Variants in RBFOX1 observed in about 807,000 individuals in gnomAD.
The protein encoded by RBFOX1 is RNA binding protein fox-1 homolog 1.
Under a neutral mutation model 57.7 loss-of-function variants are expected in RBFOX1, and 8 were observed. The ratio of observed to expected loss-of-function variants is 0.14; its 90% CI spans 0.08 to 0.25. The LOEUF (loss-of-function observed/expected upper bound fraction) is 0.25, where lower values mean the gene tolerates loss of function less well. Ranked by LOEUF, RBFOX1 falls within the 10% of genes least tolerant of loss-of-function variation. RBFOX1 has a pLI of 1.00. For missense variants in RBFOX1, 611 were observed against 548.5 expected, an observed-to-expected ratio of 1.11 and a Z score of -1.14; for synonymous variants, 326 against 222.4, an observed-to-expected ratio of 1.47 and a Z score of -4.15.
At chr16:5,924,568 C>T (rs1425800697) in intron 4 of RBFOX1, among the ~76,000 whole-genome samples, 1 of 152,184 alleles carries the variant, frequency 6.6e-6, no homozygotes, top group Non-Finnish European at 1.5e-5. Flanking sequence ...ACCAACTCCC[C>T]TTCATTTTCC....
chr16:7,115,017 C>G (rs767157201), intron 4 of RBFOX1, among the ~76,000 whole-genome samples: 1 of 152,172 alleles, frequency 6.6e-6, no homozygotes, highest in Non-Finnish European at 1.5e-5. Flanking sequence ...TCTTTAGCTC[C>G]TTAAGGAATG....
intron 4 of RBFOX1, among the ~76,000 whole-genome samples, chr16:7,305,116 T>A (rs1296749600): frequency 6.6e-6 from 1 of 151,452 alleles, no homozygotes; most frequent in Admixed American, 6.6e-5. Context: ...TGTGTTAGGG[T>A]GTTTGTGTGT....
intron 2 of RBFOX1, among the ~76,000 whole-genome samples, chr16:6,558,929 A>G (rs184659667): frequency 9.9e-5 from 15 of 151,908 alleles, no homozygotes; most frequent in South Asian, 2.1e-4. Flanking sequence ...CCTCACCACA[A>G]CCTTTGCAGA....
chr16:7,599,638 C>CTTTTTTTTTTTTTTTTTTTTTTTTTTTTT lies in RBFOX1; in HGVS notation c.622+2219_622+2220insTTTTTTTTTTTTTTTTTTTTTTTTTTTTT, dbSNP rs542898195. Among the ~76,000 whole-genome samples, 8 of 62,804 alleles carry CTTTTTTTTTTTTTTTTTTTTTTTTTTTTT rather than the reference C, an allele frequency of 1.3e-4. 4 individuals carry two copies. Among genetic ancestry groups the CTTTTTTTTTTTTTTTTTTTTTTTTTTTTT allele is most frequent in the Admixed American group, 7.8e-4 (4 of 5,122 alleles). The allele number at this position is 62,804 out of a possible 152,430, so 41.2% of individuals were successfully genotyped here. A position where few individuals can be genotyped will look rare whatever the true frequency, so the allele number is the denominator to read the frequency against. On this transcript the variant is annotated intron_variant, in intron 9 of 15. Coordinates refer to ENST00000550418, the MANE Select transcript of RBFOX1 (RefSeq NM_018723.4). ...GAGAAGATGAAGAAATTAATAAAGA[C>CTTTTTTTTTTTTTTTTTTTTTTTTTTTTT]TTTTTTTTTTTTCTTTTTTTTTTTT...
chr16:6,661,065 T>A (rs751565425), intron 3 of RBFOX1, among the ~76,000 whole-genome samples: 1 of 152,214 alleles, frequency 6.6e-6, no homozygotes, highest in Non-Finnish European at 1.5e-5. Flanking sequence ...GATACCTTCA[T>A]ATCTTGGGAG....
intron 1 of RBFOX1, among the ~76,000 whole-genome samples, chr16:5,256,103 C>G (rs1161169474): frequency 6.6e-6 from 1 of 152,128 alleles, no homozygotes; most frequent in Non-Finnish European, 1.5e-5. Context: ...TAGTGACATA[C>G]AGGTGCTAAG....
chr16:7,374,251 T>C (rs1354512260), intron 4 of RBFOX1, among the ~76,000 whole-genome samples: 3 of 152,214 alleles, frequency 2.0e-5, no homozygotes, highest in Admixed American at 6.5e-5. Flanking sequence ...ATCACATTTC[T>C]TATCTTTTTC....
intron 3 of RBFOX1, among the ~76,000 whole-genome samples, chr16:6,829,587 A>G (rs1249100131): frequency 1.3e-5 from 2 of 151,632 alleles, no homozygotes; most frequent in South Asian, 4.2e-4. Flanking sequence ...TGTGAGTAAT[A>G]TGAATGTATT....
intron 3 of RBFOX1, among the ~76,000 whole-genome samples, chr16:6,855,703 G>A (rs1041564208): frequency 1.3e-5 from 2 of 151,396 alleles, no homozygotes; most frequent in African/African-American, 2.4e-5. Flanking sequence ...CTCAGCGATC[G>A]AAACCTTGAT....
chr16:6,434,345 C>T (rs1303627433), intron 2 of RBFOX1, among the ~76,000 whole-genome samples: 1 of 152,132 alleles, frequency 6.6e-6, no homozygotes, highest in African/African-American at 2.4e-5. Context: ...ATGGCCAAGG[C>T]TTCCTTACTG....
At chr16:6,627,663 T>C (rs879310545) in intron 2 of RBFOX1, among the ~76,000 whole-genome samples, 1 of 152,144 alleles carries the variant, frequency 6.6e-6, no homozygotes, top group African/African-American at 2.4e-5. Flanking sequence ...ATAAAGTAAC[T>C]TTCCAGAAAA....
intron 3 of RBFOX1, among the ~76,000 whole-genome samples, chr16:7,009,572 G>A (rs1250608132): frequency 6.6e-6 from 1 of 152,116 alleles, no homozygotes; most frequent in African/African-American, 2.4e-5. Flanking sequence ...TGAAAGTGCA[G>A]CAGTAACGAT....
intron 4 of RBFOX1, among the ~76,000 whole-genome samples, chr16:7,262,951 A>T (rs900503407): frequency 5.9e-5 from 9 of 152,150 alleles, no homozygotes; most frequent in Middle Eastern, 3.2e-3. Context: ...AGAGAGTAAA[A>T]TTTCTGGGAC....
At chr16:7,146,760 G>T (rs2075058835) in intron 4 of RBFOX1, among the ~76,000 whole-genome samples, 1 of 151,368 alleles carries the variant, frequency 6.6e-6, no homozygotes, top group African/African-American at 2.4e-5. Context: ...ATTAGCCTGG[G>T]ACACATAGTG....
At chr16:6,271,618 A>G (rs2075227518) in intron 1 of RBFOX1, among the ~76,000 whole-genome samples, 1 of 152,220 alleles carries the variant, frequency 6.6e-6, no homozygotes, top group Admixed American at 6.5e-5. Flanking sequence ...AACAGGGAAT[A>G]TCACTACAGA....
intron 4 of RBFOX1, among the ~76,000 whole-genome samples, chr16:7,432,774 A>G: frequency 6.6e-6 from 1 of 152,138 alleles, no homozygotes; most frequent in Admixed American, 6.5e-5. Flanking sequence ...GATGTGTGGA[A>G]TCTCCCCCAA....
intron 3 of RBFOX1, among the ~76,000 whole-genome samples, chr16:5,814,192 G>T (rs2055537079): frequency 6.6e-6 from 1 of 152,044 alleles, no homozygotes; most frequent in African/African-American, 2.4e-5. Flanking sequence ...CACATCCCTT[G>T]GTCTGCATCC....
At chr16:5,489,069 C>T (rs564601504) in intron 2 of RBFOX1, among the ~76,000 whole-genome samples, 1 of 152,348 alleles carries the variant, frequency 6.6e-6, no homozygotes, top group South Asian at 2.1e-4. Flanking sequence ...AACTTGCCCA[C>T]AGTCACACCA....
chr16:6,212,566 G>T (rs1172660421), intron 1 of RBFOX1, among the ~76,000 whole-genome samples: 1 of 152,048 alleles, frequency 6.6e-6, no homozygotes, highest in Admixed American at 6.6e-5. Flanking sequence ...AATTAGTTGG[G>T]CATGGTGGTG....
Sources: gnomAD v4.1 joint callset for allele counts (sites outside exome capture counted in the v4.1 genomes callset) on GRCh38, gnomAD v4.1.1 for gene constraint, MANE v1.5 for transcripts, NCBI Gene and HGNC (gene_info 2026-07-23, HGNC 2026-07-21) for gene names.